The following MDFI variants were observed in gnomAD, a reference collection of about 807,000 sequenced individuals.
MDFI encodes MyoD family inhibitor.
In MDFI, 16 loss-of-function variants were observed where a neutral mutation model predicts 22.3. The observed-to-expected ratio is 0.72, with a 90% CI of 0.49 to 1.09. The LOEUF (loss-of-function observed/expected upper bound fraction) is 1.09, where lower values mean the gene tolerates loss of function less well. Among genes scored for constraint, MDFI ranks in the 50% least tolerant of loss-of-function variants. The probability of loss-of-function intolerance (pLI) is 0.00; values close to 1 mark genes in which losing one functional copy is unlikely to be tolerated. For synonymous variants in MDFI, 145 were observed against 142.7 expected (o/e 1.02, Z -0.12); for missense variants, 314 against 326.1 (o/e 0.96, Z 0.29).
At chr6:41,647,121 T>C (rs920768645) in intron 3 of MDFI, among the ~76,000 whole-genome samples, 1 of 152,204 alleles carries the variant, frequency 6.6e-6, no homozygotes, top group African/African-American at 2.4e-5. Flanking sequence ...CTGGACTCCC[T>C]GGAAGTCAGG....
intron 3 of MDFI, among the ~76,000 whole-genome samples, chr6:41,648,868 C>T (rs921758129): frequency 2.0e-5 from 3 of 152,218 alleles, no homozygotes; most frequent in Admixed American, 6.5e-5. Context: ...CTTGCCTGTA[C>T]TCCATTGATA....
intron 4 of MDFI, among the ~76,000 whole-genome samples, chr6:41,652,283 G>A (rs1008077086): frequency 6.6e-6 from 1 of 152,242 alleles, no homozygotes; most frequent in African/African-American, 2.4e-5. Context: ...GGAGGCTGGC[G>A]TGGCCAGAGC....
In MDFI at chr6:41,639,358, G is replaced by A. The variant is rs903363348; in HGVS notation, c.76+533G>A. 24 of 984,934 alleles carry A rather than the reference G, an allele frequency of 2.4e-5. No individual in the cohort carries two copies. The African/African-American group carries it at 4.2e-4, about 17-fold the overall frequency. The allele number at this position is 984,934 out of a possible 1,614,324, so 61.0% of individuals were successfully genotyped here. On this transcript the variant is annotated intron_variant, in intron 2 of 4. Coordinates refer to ENST00000230321, the MANE Select transcript of MDFI (RefSeq NM_005586.4). Reference sequence around the variant, plus strand: ...CCTCGCCTTCCTTCCCTCTCGTGCCGGCCAGTCCCCGCCGCCCCTGCCCTG... The same window carrying A: ...CCTCGCCTTCCTTCCCTCTCGTGCCAGCCAGTCCCCGCCGCCCCTGCCCTG...
chr6:41,643,977 G>A (rs28451072), intron 2 of MDFI, among the ~76,000 whole-genome samples: 26,165 of 152,106 alleles, frequency 0.17, 2,397 homozygotes, highest in South Asian at 0.26. Flanking sequence ...CCATAGCAAG[G>A]TGCCTCTGGG....
chr6:41,646,391 G>T, intron 3 of MDFI, 83 bp downstream of exon 3: 1 of 1,247,522 alleles, frequency 8.0e-7, no homozygotes, highest in Non-Finnish European at 1.0e-6. Context: ...CGGCAAAAAT[G>T]GGTGCACCCG....
Position 41,638,481 on chromosome 6 carries a change from GA to G in MDFI, c.-181del. 1 of 502,220 alleles carries G rather than the reference GA, an allele frequency of 2.0e-6. No homozygotes were observed. Among genetic ancestry groups the G allele is most frequent in the Non-Finnish European group, 3.5e-6 (1 of 285,534 alleles). 31.1% of individuals were successfully genotyped at this position (502,220 alleles called of 1,614,324 possible). A position where few individuals can be genotyped will look rare whatever the true frequency, so the allele number is the denominator to read the frequency against. ...GGGAGAGAAGGAAGAAGGAAGGGGC[GA>G]ACGGCGTGAGCTGGCGCCGAAATGG... On this transcript the variant is annotated 5_prime_UTR_variant, in exon 1 of 5. Coordinates refer to ENST00000230321, the MANE Select transcript of MDFI (RefSeq NM_005586.4). This position sits in a 1 kb window ranked among gnomAD's most constrained non-coding sequence, Gnocchi z 7.6.
rs113879039 is a variant in MDFI, at chr6:41,638,939, G to C, written c.76+114G>C. ...GCGGGGAGACCGTTCCAGGGAGCTT[G>C]GTGGGGGTAGGGACGAAAAGTCTGG... is the stretch of plus-strand genomic sequence containing the variant. On this transcript the variant is annotated intron_variant, in intron 2 of 4. Transcript: ENST00000230321. This position sits in a 1 kb window ranked among gnomAD's most constrained non-coding sequence, Gnocchi z 7.6. 112 of 1,184,034 alleles carry C rather than the reference G, an allele frequency of 9.5e-5. No individual in the cohort carries two copies. In the African/African-American group the frequency reaches 1.6e-3, roughly 17 times the overall value. 73.3% of individuals were successfully genotyped at this position (1,184,034 alleles called of 1,614,324 possible). A position where few individuals can be genotyped will look rare whatever the true frequency, so the allele number is the denominator to read the frequency against.
chr6:41,647,998 T>TGC (rs970125725), intron 3 of MDFI, among the ~76,000 whole-genome samples: 4 of 137,182 alleles, frequency 2.9e-5, no homozygotes, highest in Admixed American at 2.6e-4. Context: ...GAGCCGGGAT[T>TGC]GCGCCACTGC....
Position 41,653,195 on chromosome 6 carries a change from C to T in MDFI, c.485-124C>T, listed in dbSNP as rs1341448683. 1.0e-6 allele frequency: 1 copy of T among 978,518 alleles called. No individual in the cohort carries two copies. Among genetic ancestry groups the T allele is most frequent in the South Asian group, 1.5e-5 (1 of 67,952 alleles). 60.6% of individuals were successfully genotyped at this position (978,518 alleles called of 1,614,324 possible). A position where few individuals can be genotyped will look rare whatever the true frequency, so the allele number is the denominator to read the frequency against. ...TGGGGACGGATTCGTGAGCTTCAGG[C>T]ACACAGTGAACACTCAGCGTCCCTG... On this transcript the variant is annotated intron_variant, in intron 4 of 4. Transcript: ENST00000230321. This position sits in a 1 kb window ranked among gnomAD's most constrained non-coding sequence, Gnocchi z 4.2.
chr6:41,639,901 C>A, intron 2 of MDFI: 3 of 985,482 alleles, frequency 3.0e-6, no homozygotes. Context: ...GGAGGCCCCT[C>A]TCCACTCCCC....
In MDFI at chr6:41,640,056, T is replaced by C. The variant is rs73418064; in HGVS notation, c.76+1231T>C. ...CATCTTGGCCAAGCCTCAAATTGCC[T>C]GCTGTCTCTGTGGGGCCCCTGCAAC... On this transcript the variant is annotated intron_variant, in intron 2 of 4. Coordinates refer to ENST00000230321, the MANE Select transcript of MDFI (RefSeq NM_005586.4). 7.3e-3 allele frequency: 4,244 copies of C among 579,754 alleles called. 165 individuals carry two copies. The African/African-American group carries it at 0.078, about 11-fold the overall frequency. The allele number at this position is 579,754 out of a possible 1,614,324, so 35.9% of individuals were successfully genotyped here.
intron 4 of MDFI, 100 bp downstream of exon 4, chr6:41,649,943 C>T: frequency 2.0e-6 from 2 of 1,006,516 alleles, no homozygotes; most frequent in Non-Finnish European, 2.9e-6. Context: ...CAGGCTGTTA[C>T]TTAGAGATGC....
At position 41,653,320 on chromosome 6, in the gene MDFI, C is replaced by G; in HGVS notation, c.486C>G (p.Asp162Glu). The G allele has an allele frequency of 3.1e-6, 5 of 1,609,278 alleles. No individual in the cohort carries two copies. Among genetic ancestry groups the G allele is most frequent in the Non-Finnish European group, 4.2e-6 (5 of 1,177,132 alleles). The change falls in exon 5 of 5, where the codon GAC becomes GAG. Residue 162 changes from aspartate (D) to glutamate (E), a missense_variant and splice_region_variant. Transcript: ENST00000230321. The surrounding 1 kb of genome is among the most constrained non-coding windows in gnomAD (Gnocchi z 4.2). Reference sequence around the variant, plus strand: ...CCCCTCTCCACCGCCACCCCGCAGACTGCTGTGTCCACTGCATCCTGTCCT... The same window carrying G: ...CCCCTCTCCACCGCCACCCCGCAGAGTGCTGTGTCCACTGCATCCTGTCCT... Reference protein sequence around the residue: ...TSQIPLQAQEDCCVHCILSCL... With the variant: ...TSQIPLQAQEECCVHCILSCL...
intron 2 of MDFI, among the ~76,000 whole-genome samples, chr6:41,643,728 G>C (rs1012511707): frequency 2.0e-5 from 3 of 152,012 alleles, no homozygotes; most frequent in Admixed American, 1.3e-4. Context: ...GTAGGGCTGT[G>C]GGTGAAAGGC....
chr6:41,650,676 C>T (rs993497501), intron 4 of MDFI, among the ~76,000 whole-genome samples: 1 of 149,662 alleles, frequency 6.7e-6, no homozygotes, highest in African/African-American at 2.5e-5. Flanking sequence ...CGGGTTCAAG[C>T]GATTCTTCTG....
At chr6:41,652,135 T>C (rs989213354) in intron 4 of MDFI, among the ~76,000 whole-genome samples, 2 of 152,116 alleles carry the variant, frequency 1.3e-5, no homozygotes, top group Non-Finnish European at 2.9e-5. Flanking sequence ...GGTTGCGGTA[T>C]TGAAGCGGGT....
chr6:41,649,097 A>G (rs531386677), intron 3 of MDFI, among the ~76,000 whole-genome samples: 5 of 152,314 alleles, frequency 3.3e-5, no homozygotes, highest in Admixed American at 2.0e-4. Context: ...TGCAGTGAGG[A>G]GCCCCTGGAT....
rs1449454046 is a variant in MDFI at position 41,653,171 on chromosome 6, G to A, written c.485-148G>A. 1 of 785,272 alleles carries A rather than the reference G, an allele frequency of 1.3e-6. No homozygotes were observed. The highest frequency in any genetic ancestry group is 2.1e-6 in the Non-Finnish European group (1 of 480,390). The allele number at this position is 785,272 out of a possible 1,614,324, so 48.6% of individuals were successfully genotyped here. On this transcript the variant is annotated intron_variant, in intron 4 of 4. Transcript: ENST00000230321. The surrounding 1 kb of genome is among the most constrained non-coding windows in gnomAD (Gnocchi z 4.2). ...GTCATCACCTAGAAAATGGAGCTGT[G>A]GGGACGGATTCGTGAGCTTCAGGCA...
At chr6:41,642,223 GA>G (rs2127427782) in intron 2 of MDFI, among the ~76,000 whole-genome samples, 1 of 152,250 alleles carries the variant, frequency 6.6e-6, no homozygotes, top group African/African-American at 2.4e-5. Flanking sequence ...GCAGTTGGGT[GA>G]GCAGATGGCA....
Sources: gnomAD v4.1 joint callset for allele counts (sites outside exome capture counted in the v4.1 genomes callset) on GRCh38, gnomAD v4.1.1 for gene constraint, Gnocchi (gnomAD v3.1) non-coding constraint, MANE v1.5 for transcripts, NCBI Gene and HGNC (gene_info 2026-07-23, HGNC 2026-07-21) for gene names.